Variants in NCAM1 observed in about 807,000 individuals in gnomAD.
NCAM1 encodes the protein antigen recognized by monoclonal antibody 5.1H11.
A neutral mutation model predicts 109.8 loss-of-function variants in NCAM1; 14 were observed. The ratio of observed to expected loss-of-function variants is 0.13; its 90% CI spans 0.08 to 0.20. NCAM1 has a LOEUF of 0.20. NCAM1 is among the 10% of genes least tolerant of loss of function. The pLI, the probability that NCAM1 is intolerant of heterozygous loss-of-function variation, is 1.00. For missense variants in NCAM1, 774 were observed against 1,109.9 expected (o/e 0.70, Z 4.30); for synonymous variants, 418 against 442.9 (o/e 0.94, Z 0.70).
At position 113,091,433 on chromosome 11, in the gene NCAM1, C is replaced by A. The variant is rs574679471; in HGVS notation, c.53-110946C>A. On this transcript the variant is annotated intron_variant, in intron 1 of 19. Transcript: ENST00000316851. Reference sequence around the variant, plus strand: ...CAGGGTTCTAGTGCCAGACGTAGTTCACTGCTATTGTTATATCCTTGGAAA... The same window carrying A: ...CAGGGTTCTAGTGCCAGACGTAGTTAACTGCTATTGTTATATCCTTGGAAA... Among the ~76,000 whole-genome samples, 14 of 152,234 alleles carry A rather than the reference C, an allele frequency of 9.2e-5. No individual in the cohort carries two copies. In the South Asian group the frequency reaches 2.3e-3, roughly 25 times the overall value.
chr11:113,239,268 A>G (rs1180351453), intron 14 of NCAM1, among the ~76,000 whole-genome samples: 2 of 152,110 alleles, frequency 1.3e-5, no homozygotes, highest in Non-Finnish European at 2.9e-5. Flanking sequence ...TTTAAGCCAA[A>G]TGTCTGCATG....
intron 1 of NCAM1, among the ~76,000 whole-genome samples, chr11:113,145,903 A>G (rs1180853201): frequency 6.6e-6 from 1 of 152,212 alleles, no homozygotes; most frequent in African/African-American, 2.4e-5. Flanking sequence ...GGAAACAAGC[A>G]TCGCCATAGA....
chr11:113,223,262 G>C (rs1457356998), intron 9 of NCAM1, among the ~76,000 whole-genome samples: 3 of 152,236 alleles, frequency 2.0e-5, no homozygotes, highest in African/African-American at 4.8e-5. Flanking sequence ...GGGGAAGATA[G>C]TCTAATGACA....
At chr11:113,079,764 TTCAC>T (rs1938703170) in intron 1 of NCAM1, among the ~76,000 whole-genome samples, 1 of 152,230 alleles carries the variant, frequency 6.6e-6, no homozygotes, top group Non-Finnish European at 1.5e-5. Flanking sequence ...GTCGGTCTGT[TTCAC>T]AGTGGCTGAA....
chr11:113,118,862 A>G (rs1308169026), intron 1 of NCAM1, among the ~76,000 whole-genome samples: 1 of 152,048 alleles, frequency 6.6e-6, no homozygotes, highest in East Asian at 1.9e-4. Flanking sequence ...TATATTCAAA[A>G]CAAGTCAAGG....
At position 113,255,902 on chromosome 11, in the gene NCAM1, A is replaced by G; in HGVS notation, c.1854A>G (p.Glu618=). 6.2e-7 allele frequency: 1 copy of G among 1,612,574 alleles called. No homozygotes were observed. Among genetic ancestry groups the G allele is most frequent in the Non-Finnish European group, 8.5e-7 (1 of 1,179,476 alleles). The change falls in exon 16 of 20, where the codon GAA becomes GAG. Residue 618 remains glutamate, a synonymous_variant. Transcript: ENST00000316851. ...VQGEPSAPKL[E]GQMGEDGNSI... is the part of the protein sequence containing the mutation. ...GGGAACCCAGTGCACCTAAGCTCGA[A>G]GGGCAGATGGGAGAGGATGGAAACT... is the stretch of plus-strand genomic sequence containing the variant.
chr11:112,999,371 CAT>C (rs1951684805), intron 1 of NCAM1, among the ~76,000 whole-genome samples: 2 of 151,984 alleles, frequency 1.3e-5, no homozygotes, highest in African/African-American at 4.8e-5. Context: ...GCCACTGAAA[CAT>C]ATCAGTAAAG....
intron 1 of NCAM1, among the ~76,000 whole-genome samples, chr11:113,125,637 G>A (rs563147001): frequency 3.3e-5 from 5 of 152,230 alleles, no homozygotes; most frequent in East Asian, 1.9e-4. Context: ...AAAGGTGGGC[G>A]GTCTGCTCAG....
intron 1 of NCAM1, among the ~76,000 whole-genome samples, chr11:113,059,474 G>A (rs537248746): frequency 2.0e-5 from 3 of 152,250 alleles, no homozygotes; most frequent in Admixed American, 6.5e-5. Context: ...CTTCCAAGAC[G>A]GTTTCTTCAC....
At chr11:113,164,546 A>G (rs781829985) in intron 1 of NCAM1, among the ~76,000 whole-genome samples, 13 of 152,160 alleles carry the variant, frequency 8.5e-5, no homozygotes, top group Non-Finnish European at 1.9e-4. Context: ...AGGTTCCATG[A>G]TTGCTAGGAT....
At chr11:113,105,556 T>G (rs1301827075) in intron 1 of NCAM1, among the ~76,000 whole-genome samples, 1 of 152,148 alleles carries the variant, frequency 6.6e-6, no homozygotes, top group Non-Finnish European at 1.5e-5. Context: ...GATATATATA[T>G]TCGTACATTG....
At chr11:113,205,396 T>A (rs902039502) in intron 3 of NCAM1, 127 bp from the exon 4 acceptor site, 2 of 1,253,078 alleles carry the variant, frequency 1.6e-6, no homozygotes, top group Non-Finnish European at 2.1e-6. Flanking sequence ...AGGGTGCCCC[T>A]CTTATACAAC....
At chr11:113,231,875 A>T in intron 10 of NCAM1, 80 bp downstream of exon 10, 1 of 1,535,466 alleles carries the variant, frequency 6.5e-7, no homozygotes, top group Non-Finnish European at 8.9e-7. Flanking sequence ...ATCAGCAAGG[A>T]CCTATGTGCA....
intron 8 of NCAM1, among the ~76,000 whole-genome samples, chr11:113,220,811 G>A (rs1009918009): frequency 5.3e-5 from 8 of 151,686 alleles, no homozygotes; most frequent in Admixed American, 1.3e-4. Context: ...GGGTTTCACC[G>A]TGTTGGCCAG....
intron 1 of NCAM1, among the ~76,000 whole-genome samples, chr11:113,064,603 C>T (rs1261173558): frequency 6.6e-6 from 1 of 151,960 alleles, no homozygotes; most frequent in Non-Finnish European, 1.5e-5. Context: ...CTCCAGTAGT[C>T]CTTTGCAGTT....
intron 18 of NCAM1, 160 bp downstream of exon 18, chr11:113,270,555 C>T: frequency 1.5e-6 from 1 of 678,522 alleles, no homozygotes; most frequent in Non-Finnish European, 2.5e-6. Flanking sequence ...AAAAGTTTCT[C>T]AAAGCATGGT....
chr11:113,034,756 A>G (rs1421512386), intron 1 of NCAM1, among the ~76,000 whole-genome samples: 1 of 152,212 alleles, frequency 6.6e-6, no homozygotes, highest in Non-Finnish European at 1.5e-5. Context: ...GTTTATAAAT[A>G]TTAAATCAAG....
intron 7 of NCAM1, among the ~76,000 whole-genome samples, chr11:113,213,376 T>C (rs572529850): frequency 1.3e-5 from 2 of 152,218 alleles, no homozygotes; most frequent in Non-Finnish European, 2.9e-5. Flanking sequence ...AATTCAATTT[T>C]CTCTAATGTT....
At chr11:113,177,374 C>T (rs372706739) in intron 1 of NCAM1, among the ~76,000 whole-genome samples, 21 of 152,066 alleles carry the variant, frequency 1.4e-4, no homozygotes, top group Middle Eastern at 3.4e-3. Context: ...GATTTGTTTT[C>T]GCCAAAAAAA....
Sources: allele counts gnomAD v4.1 joint callset (sites outside exome capture counted in the v4.1 genomes callset), GRCh38; gene constraint gnomAD v4.1.1; transcripts MANE v1.5; gene names NCBI Gene and HGNC (gene_info 2026-07-23, HGNC 2026-07-21).